The following ERC2 variants were observed in gnomAD, a reference collection of about 807,000 sequenced individuals.
The protein encoded by ERC2 is ELKS/RAB6-interacting/CAST family member 2.
Under a neutral mutation model 114.8 loss-of-function variants are expected in ERC2, and 42 were observed. That is an observed-to-expected ratio of 0.37 (90% confidence interval 0.29 to 0.47). The LOEUF (loss-of-function observed/expected upper bound fraction) is 0.47. Among genes scored for constraint, ERC2 ranks in the 20% least tolerant of loss-of-function variants. The pLI, the probability that ERC2 is intolerant of heterozygous loss-of-function variation, is 0.99. For missense variants in ERC2, 939 were observed against 1,150.7 expected (o/e 0.82, Z 2.66); for synonymous variants, 454 against 425.5 (o/e 1.07, Z -0.82).
intron 17 of ERC2, among the ~76,000 whole-genome samples, chr3:55,575,546 A>G (rs1000248444): frequency 1.3e-5 from 2 of 152,186 alleles, no homozygotes; most frequent in African/African-American, 4.8e-5. Context: ...CAGGGCTCTT[A>G]TAAGAATTCT....
At chr3:55,739,026 T>C (rs1367664869) in intron 14 of ERC2, among the ~76,000 whole-genome samples, 2 of 152,282 alleles carry the variant, frequency 1.3e-5, no homozygotes, top group African/African-American at 4.8e-5. Context: ...TTTTCTGTTC[T>C]TGTGTTAGTT....
At chr3:55,828,146 C>A (rs111399285) in intron 14 of ERC2, among the ~76,000 whole-genome samples, 1 of 152,348 alleles carries the variant, frequency 6.6e-6, no homozygotes, top group African/African-American at 2.4e-5. Context: ...GAAAGCTGCA[C>A]AATGGCAGGC....
chr3:55,576,695 G>A (rs150125195), intron 17 of ERC2, among the ~76,000 whole-genome samples: 76 of 152,364 alleles, frequency 5.0e-4, no homozygotes, highest in African/African-American at 1.8e-3. Context: ...CATCCTGCCC[G>A]TTAGCTCACA....
At chr3:55,629,513 TG>T in intron 17 of ERC2, among the ~76,000 whole-genome samples, 1 of 152,264 alleles carries the variant, frequency 6.6e-6, no homozygotes, top group Admixed American at 6.5e-5. Flanking sequence ...CCTTGCTTCT[TG>T]TTACTTTTGA....
At chr3:56,061,567 G>C (rs903557789) in intron 7 of ERC2, among the ~76,000 whole-genome samples, 1 of 152,060 alleles carries the variant, frequency 6.6e-6, no homozygotes, top group Non-Finnish European at 1.5e-5. Flanking sequence ...AAAATATTTA[G>C]CTTAAAATTC....
chr3:55,664,133 G>C (rs967532350), intron 17 of ERC2, among the ~76,000 whole-genome samples: 1 of 152,112 alleles, frequency 6.6e-6, no homozygotes, highest in African/African-American at 2.4e-5. Flanking sequence ...AAATTTTACT[G>C]GATGTCAAGC....
chr3:56,465,578 A>G (rs2063507023), intron 1 of ERC2, among the ~76,000 whole-genome samples: 1 of 152,232 alleles, frequency 6.6e-6, no homozygotes, highest in South Asian at 2.1e-4. Context: ...TTCAACCAAG[A>G]TCTATTTAAA....
At chr3:56,081,278 G>A (rs144006051) in intron 6 of ERC2, among the ~76,000 whole-genome samples, 2 of 152,068 alleles carry the variant, frequency 1.3e-5, no homozygotes, top group Non-Finnish European at 2.9e-5. Context: ...CAACATGTTT[G>A]TCTAAGCTTG....
At chr3:56,261,888 A>C (rs1257059651) in intron 3 of ERC2, among the ~76,000 whole-genome samples, 1 of 151,940 alleles carries the variant, frequency 6.6e-6, no homozygotes, top group Non-Finnish European at 1.5e-5. Context: ...AATAGTCCCC[A>C]GTGTGTGTTG....
intron 4 of ERC2, 124 bp from the exon 5 acceptor site, chr3:56,149,256 C>A (rs2081298028): frequency 4.5e-6 from 4 of 881,368 alleles, no homozygotes; most frequent in Non-Finnish European, 6.7e-6. Context: ...GTATAGACAG[C>A]CCTGAATTTA....
chr3:55,881,949 A>G (rs952458539), intron 14 of ERC2, among the ~76,000 whole-genome samples: 4 of 152,194 alleles, frequency 2.6e-5, no homozygotes, highest in Non-Finnish European at 4.4e-5. Flanking sequence ...CTTCCAGCAG[A>G]GGAATAATAA....
intron 14 of ERC2, among the ~76,000 whole-genome samples, chr3:55,755,427 C>A (rs952544596): frequency 6.6e-6 from 1 of 152,140 alleles, no homozygotes; most frequent in South Asian, 2.1e-4. Context: ...AGAGCACTTG[C>A]TAACTAGAAG....
intron 17 of ERC2, among the ~76,000 whole-genome samples, chr3:55,600,426 G>T (rs1444901276): frequency 1.3e-5 from 2 of 152,088 alleles, no homozygotes; most frequent in Non-Finnish European, 2.9e-5. Context: ...CATCAAGATG[G>T]GCCTCAAGAA....
intron 2 of ERC2, among the ~76,000 whole-genome samples, chr3:56,341,970 G>A (rs1315700103): frequency 6.6e-6 from 1 of 152,196 alleles, no homozygotes; most frequent in African/African-American, 2.4e-5. Flanking sequence ...GCTGGCTGGA[G>A]AGGCAGGGTG....
rs1202726253 is a variant in ERC2 at position 56,007,317 on chromosome 3, C to T, written c.1925G>A (p.Ser642Asn). ...LQAELTEKES[S>N]LIDLKEHASS... ...TGCATGTTCTTTGAGGTCAATTAAA[C>T]TAGACTGAAAGAGAAAGAATGTGAG... The change falls in exon 10 of 18, where the codon AGT (serine) becomes AAT (asparagine). Residue 642 changes from serine (S) to asparagine (N), a missense_variant. Ser to Asn is a conservative substitution (Grantham distance 46, BLOSUM62 1). Around this residue, in one of 5 missense-constraint regions of ERC2, gnomAD observed 149 missense variants for 254.6 expected, o/e 0.59. Transcript: ENST00000288221. 1.9e-6 allele frequency: 3 copies of T among 1,595,928 alleles called. No homozygotes were observed. The highest frequency in any genetic ancestry group is 4.5e-5 in the East Asian group (2 of 44,410).
chr3:56,222,399 A>G (rs995639426), intron 3 of ERC2, among the ~76,000 whole-genome samples: 95 of 152,260 alleles, frequency 6.2e-4, no homozygotes, highest in African/African-American at 2.2e-3. Context: ...GTCCCCCTTC[A>G]TGGAACACCA....
intron 13 of ERC2, among the ~76,000 whole-genome samples, chr3:55,893,266 G>A (rs927541926): frequency 5.9e-5 from 9 of 152,044 alleles, no homozygotes; most frequent in African/African-American, 2.2e-4. Context: ...TGTTTATTTT[G>A]CAAATTACTC....
chr3:55,690,733 A>G (rs2062598487), intron 16 of ERC2, among the ~76,000 whole-genome samples: 1 of 152,234 alleles, frequency 6.6e-6, no homozygotes, highest in Non-Finnish European at 1.5e-5. Flanking sequence ...TTCTAACAGG[A>G]GGATCCTGAT....
intron 2 of ERC2, among the ~76,000 whole-genome samples, chr3:56,404,035 C>T (rs2060618965): frequency 6.6e-6 from 1 of 152,190 alleles, no homozygotes; most frequent in Non-Finnish European, 1.5e-5. Flanking sequence ...CAGCAGGTTC[C>T]TTGGGCCTTC....
Sources: allele counts gnomAD v4.1 joint callset (sites outside exome capture counted in the v4.1 genomes callset), GRCh38; gene constraint gnomAD v4.1.1; regional missense constraint gnomAD v4.1.1; transcripts MANE v1.5; gene names NCBI Gene and HGNC (gene_info 2026-07-23, HGNC 2026-07-21).